MPPED2: variants seen among roughly 807,000 people sequenced by gnomAD.
MPPED2 encodes metallophosphoesterase domain containing 2, also known as metallophosphoesterase MPPED2.
In MPPED2, 5 loss-of-function variants were observed where a neutral mutation model predicts 33.0. The observed-to-expected ratio is 0.15, with a 90% CI of 0.08 to 0.32. The LOEUF (loss-of-function observed/expected upper bound fraction) is 0.32. MPPED2 is among the 10% of genes least tolerant of loss of function. The pLI is 1.00. For missense variants in MPPED2, 275 were observed against 372.1 expected (o/e 0.74, Z 2.15); for synonymous variants, 136 against 141.9 (o/e 0.96, Z 0.29).
At chr11:30,506,988 A>G (rs990221996) in intron 3 of MPPED2, among the ~76,000 whole-genome samples, 1 of 152,212 alleles carries the variant, frequency 6.6e-6, no homozygotes, top group African/African-American at 2.4e-5. Context: ...AACTAAATTG[A>G]AAAAGAACAT....
chr11:30,550,029 C>T (rs1189121443), intron 2 of MPPED2, among the ~76,000 whole-genome samples: 2 of 152,124 alleles, frequency 1.3e-5, no homozygotes, highest in Admixed American at 6.5e-5. Flanking sequence ...ACCTATCAAG[C>T]CTTCAGATTT....
intron 4 of MPPED2, among the ~76,000 whole-genome samples, chr11:30,425,938 C>A (rs1035205850): frequency 3.3e-5 from 5 of 152,082 alleles, no homozygotes; most frequent in African/African-American, 1.2e-4. Context: ...TTCTCTTTTC[C>A]TTTTTTCATG....
chr11:30,514,837 C>T (rs982475189), intron 3 of MPPED2, among the ~76,000 whole-genome samples: 1 of 152,198 alleles, frequency 6.6e-6, no homozygotes, highest in Non-Finnish European at 1.5e-5. Context: ...CGCAATGACT[C>T]ACTCCTGTAA....
intron 2 of MPPED2, among the ~76,000 whole-genome samples, chr11:30,554,066 C>G (rs1366727452): frequency 6.6e-6 from 1 of 152,140 alleles, no homozygotes; most frequent in Non-Finnish European, 1.5e-5. Flanking sequence ...CTTGAGGCAG[C>G]CTGCCCAATT....
downstream of MPPED2, among the ~76,000 whole-genome samples, chr11:30,407,941 A>C (rs1948016080): frequency 6.6e-6 from 1 of 152,182 alleles, no homozygotes; most frequent in Admixed American, 6.5e-5. Context: ...AAAGGTACAG[A>C]ATCCTGCCTG....
chr11:30,479,053 G>A (rs578025140), intron 4 of MPPED2, among the ~76,000 whole-genome samples: 10 of 152,090 alleles, frequency 6.6e-5, no homozygotes, highest in Admixed American at 1.3e-4. Flanking sequence ...GTCAAGGGCC[G>A]TGGGACATTT....
intron 6 of MPPED2, among the ~76,000 whole-genome samples, chr11:30,401,875 T>G: frequency 1.8e-5 from 2 of 113,696 alleles, no homozygotes; most frequent in Admixed American, 9.0e-5. Flanking sequence ...TTTTTTTTTC[T>G]TTTAGTAGAG....
chr11:30,415,649 C>T (rs750167814), intron 5 of MPPED2, among the ~76,000 whole-genome samples: 15 of 152,176 alleles, frequency 9.9e-5, no homozygotes, highest in Admixed American at 2.0e-4. Context: ...CTTGATGTAG[C>T]TGTCACTCTG....
At chr11:30,517,988 A>C (rs1953629498) in intron 3 of MPPED2, among the ~76,000 whole-genome samples, 1 of 151,974 alleles carries the variant, frequency 6.6e-6, no homozygotes, top group Non-Finnish European at 1.5e-5. Flanking sequence ...ACTTGTGAAC[A>C]ACAAATTCAC....
intron 2 of MPPED2, among the ~76,000 whole-genome samples, chr11:30,555,691 A>G (rs1955932797): frequency 6.6e-6 from 1 of 152,130 alleles, no homozygotes; most frequent in Admixed American, 6.5e-5. Flanking sequence ...TTCTGTCATG[A>G]TTGTGAGGCC....
chr11:30,434,236 G>T (rs998677693), intron 4 of MPPED2, among the ~76,000 whole-genome samples: 3 of 152,218 alleles, frequency 2.0e-5, no homozygotes, highest in African/African-American at 7.2e-5. Context: ...TCATTATGCT[G>T]CCTACCACAT....
intron 4 of MPPED2, among the ~76,000 whole-genome samples, chr11:30,452,630 C>T (rs1950109840): frequency 6.6e-6 from 1 of 152,184 alleles, no homozygotes; most frequent in South Asian, 2.1e-4. Context: ...TTGAGAATGA[C>T]TGCACTGGTT....
intron 4 of MPPED2, among the ~76,000 whole-genome samples, chr11:30,421,159 C>A (rs1489512215): frequency 6.6e-6 from 1 of 152,162 alleles, no homozygotes; most frequent in Non-Finnish European, 1.5e-5. Flanking sequence ...TCTGAACCCA[C>A]AGGACACCCA....
intron 3 of MPPED2, among the ~76,000 whole-genome samples, chr11:30,520,429 A>T (rs1372864337): frequency 2.6e-5 from 4 of 152,210 alleles, no homozygotes; most frequent in African/African-American, 9.6e-5. Flanking sequence ...TCCCTACATA[A>T]ATGCTAAAAT....
intron 3 of MPPED2, among the ~76,000 whole-genome samples, chr11:30,531,499 A>G (rs1413666494): frequency 1.3e-5 from 2 of 152,208 alleles, no homozygotes; most frequent in East Asian, 3.9e-4. Context: ...TGGTAGCTGC[A>G]GTTTTTAGAA....
intron 2 of MPPED2, among the ~76,000 whole-genome samples, chr11:30,546,792 C>T (rs953107051): frequency 4.6e-5 from 7 of 152,168 alleles, no homozygotes; most frequent in African/African-American, 1.7e-4. Flanking sequence ...ATTTGTAAGA[C>T]AACATGATGT....
intron 4 of MPPED2, among the ~76,000 whole-genome samples, chr11:30,433,662 A>G (rs1346467815): frequency 6.6e-6 from 1 of 152,168 alleles, no homozygotes; most frequent in Admixed American, 6.6e-5. Flanking sequence ...CCTCGCTATC[A>G]TGTCTCAAGC....
intron 4 of MPPED2, among the ~76,000 whole-genome samples, chr11:30,448,798 C>A (rs1465183846): frequency 6.6e-6 from 1 of 152,000 alleles, no homozygotes; most frequent in African/African-American, 2.4e-5. Flanking sequence ...CCCCAGCCTC[C>A]TGAGTAGCAC....
At chr11:30,433,755 T>C (rs1415666161) in intron 4 of MPPED2, among the ~76,000 whole-genome samples, 1 of 152,180 alleles carries the variant, frequency 6.6e-6, no homozygotes, top group African/African-American at 2.4e-5. Context: ...GATAGAAAAT[T>C]CGTTCACATT....
Sources: gnomAD v4.1 joint callset for allele counts (sites outside exome capture counted in the v4.1 genomes callset) on GRCh38, gnomAD v4.1.1 for gene constraint, MANE v1.5 for transcripts, NCBI Gene and HGNC (gene_info 2026-07-23, HGNC 2026-07-21) for gene names.